KDM5B: variants seen among roughly 807,000 people sequenced by gnomAD.
KDM5B encodes the protein lysine-specific demethylase 5B.
A neutral mutation model predicts 193.4 loss-of-function variants in KDM5B; 144 were observed. The ratio of observed to expected loss-of-function variants is 0.74; its 90% CI spans 0.65 to 0.86. KDM5B has a LOEUF of 0.86. Ranked by LOEUF, KDM5B falls within the 40% of genes least tolerant of loss-of-function variation. The probability of loss-of-function intolerance (pLI) is 0.00; values close to 1 mark genes in which losing one functional copy is unlikely to be tolerated. For synonymous variants in KDM5B, 668 were observed against 682.6 expected (o/e 0.98, Z 0.33); for missense variants, 1,833 against 1,886.9 (o/e 0.97, Z 0.53).
chr1:202,765,225 CTAT>C (rs1038964224), intron 5 of KDM5B, among the ~76,000 whole-genome samples: 2 of 101,198 alleles, frequency 2.0e-5, no homozygotes, highest in African/African-American at 5.4e-5. Context: ...TTTTAATAAA[CTAT>C]TATTATAAAC....
chr1:202,782,223 A>AT (rs1308149968), intron 1 of KDM5B, among the ~76,000 whole-genome samples: 1 of 152,332 alleles, frequency 6.6e-6, no homozygotes, highest in East Asian at 1.9e-4. Flanking sequence ...GAAGAGATAA[A>AT]TGTCATTCAG....
At chr1:202,758,246 T>A (rs544065375) in intron 9 of KDM5B, 145 bp downstream of exon 9, 3 of 544,988 alleles carry the variant, frequency 5.5e-6, no homozygotes, top group Admixed American at 4.0e-5. Context: ...AAATTTTAAA[T>A]ACCACAAAAC....
At chr1:202,786,999 G>A (rs907053624) in intron 1 of KDM5B, among the ~76,000 whole-genome samples, 3 of 152,104 alleles carry the variant, frequency 2.0e-5, no homozygotes, top group African/African-American at 7.2e-5. Context: ...TCATGTCTTT[G>A]CAGAATCAAG....
At chr1:202,780,113 C>T (rs1485346369) in intron 1 of KDM5B, among the ~76,000 whole-genome samples, 1 of 152,110 alleles carries the variant, frequency 6.6e-6, no homozygotes, top group Non-Finnish European at 1.5e-5. Flanking sequence ...TATACAAACT[C>T]TCATTGTTTT....
intron 1 of KDM5B, among the ~76,000 whole-genome samples, chr1:202,783,073 C>T (rs1374826876): frequency 1.3e-5 from 2 of 152,140 alleles, no homozygotes; most frequent in African/African-American, 2.4e-5. Context: ...TGGCGAAATC[C>T]CATCTCTAAT....
chr1:202,756,262 A>G (rs1656006730), intron 10 of KDM5B, 96 bp downstream of exon 10: 4 of 977,868 alleles, frequency 4.1e-6, no homozygotes, highest in Non-Finnish European at 6.1e-6. Context: ...AAAATCTGGT[A>G]ATTAAGGATT....
intron 1 of KDM5B, among the ~76,000 whole-genome samples, chr1:202,795,532 A>T (rs1009297637): frequency 2.0e-5 from 3 of 151,920 alleles, no homozygotes; most frequent in Non-Finnish European, 2.9e-5. Flanking sequence ...CGTCGCTGTA[A>T]TCCCACCTAC....
At chr1:202,742,207 T>C (rs545196837) in intron 18 of KDM5B, among the ~76,000 whole-genome samples, 184 bp downstream of exon 18, 1 of 152,268 alleles carries the variant, frequency 6.6e-6, no homozygotes, top group South Asian at 2.1e-4. Context: ...TCCAACTTTA[T>C]TTCCCCTCTG....
At position 202,741,627 on chromosome 1, in the gene KDM5B, AT is replaced by A; in HGVS notation, c.2684del (p.Asp895ValfsTer26). The A allele has an allele frequency of 6.2e-7, 1 of 1,614,214 alleles. No individual in the cohort carries two copies. Reference protein sequence around the residue: ...PSAAELQDLLDVSFEFDVELP... With the variant: ...PSAAELQDLLXVSFEFDVELP... ...GTTCAACATCAAATTCAAAGCTGACATCTAGCAAGTCCTGCAGCTCCGCAGC... is the reference window on the plus strand; with the variant it reads ...GTTCAACATCAAATTCAAAGCTGACACTAGCAAGTCCTGCAGCTCCGCAGC... On this transcript the variant is annotated frameshift_variant, in exon 19 of 27. Transcript: ENST00000367265. LOFTEE classifies it high-confidence loss of function.
chr1:202,750,120 T>G (rs1655731823), intron 13 of KDM5B, among the ~76,000 whole-genome samples: 3 of 152,188 alleles, frequency 2.0e-5, no homozygotes, highest in Non-Finnish European at 4.4e-5. Context: ...AACAAAGTCT[T>G]GCTACAAAAG....
intron 23 of KDM5B, 27 bp downstream of exon 23, chr1:202,733,373 TA>T: frequency 6.2e-7 from 1 of 1,600,912 alleles, no homozygotes; most frequent in African/African-American, 1.3e-5. Flanking sequence ...CAAATTCCAA[TA>T]ACCCAACAAG....
intron 6 of KDM5B, among the ~76,000 whole-genome samples, chr1:202,763,087 C>T (rs1256119807): frequency 6.6e-6 from 1 of 152,174 alleles, no homozygotes; most frequent in African/African-American, 2.4e-5. Flanking sequence ...TTTCTCAAGA[C>T]CAAGACATAA....
At chr1:202,737,162 C>G (rs1195580485) in intron 20 of KDM5B, among the ~76,000 whole-genome samples, 1 of 152,184 alleles carries the variant, frequency 6.6e-6, no homozygotes, top group Non-Finnish European at 1.5e-5. Flanking sequence ...CCCCAATCCA[C>G]TCACCAATGA....
chr1:202,753,730 C>T lies in KDM5B; in HGVS notation c.1539-663G>A, dbSNP rs548133047. Among the ~76,000 whole-genome samples the T allele has an allele frequency of 8.5e-5, 12 of 141,328 alleles. 1 individual carries two copies. The highest frequency in any genetic ancestry group is 4.7e-4 in the South Asian group (2 of 4,252). 92.7% of individuals were successfully genotyped at this position (141,328 alleles called of 152,430 possible). ...TGTTGTCCATGCTGAAGTGCAATGACGCAATCTTGGCTCACTGCAACCTCC... is the reference window on the plus strand; with the variant it reads ...TGTTGTCCATGCTGAAGTGCAATGATGCAATCTTGGCTCACTGCAACCTCC... On this transcript the variant is annotated intron_variant, in intron 11 of 26. Coordinates refer to ENST00000367265, the MANE Select transcript of KDM5B (RefSeq NM_006618.5).
In KDM5B at chr1:202,729,148, C is replaced by T. The variant is rs759557715; in HGVS notation, c.4523G>A (p.Ser1508Asn). The change falls in exon 27 of 27, where the codon AGC becomes AAC. Residue 1508 changes from serine (S) to asparagine (N), a missense_variant. Around this residue, in one of 3 missense-constraint regions of KDM5B, gnomAD observed 1,379 missense variants for 1,349.6 expected, o/e 1.02. Transcript: ENST00000367265. ...DEVDWVQCDG[S>N]CNQWFHQVCV... ...GACCTGATGAAACCACTGATTGCAG[C>T]TGCCATCACACTGGACCCAGTCCAC... is the stretch of plus-strand genomic sequence containing the variant. 218 of 1,614,158 alleles carry T rather than the reference C, an allele frequency of 1.4e-4. 6 individuals carry two copies. In the South Asian group the frequency reaches 2.3e-3, roughly 17 times the overall value.
intron 1 of KDM5B, among the ~76,000 whole-genome samples, chr1:202,786,654 C>A (rs1657426367): frequency 6.6e-6 from 1 of 152,196 alleles, no homozygotes; most frequent in Non-Finnish European, 1.5e-5. Flanking sequence ...TACAAAACTT[C>A]TTGACTGCAT....
In KDM5B at chr1:202,731,905, A is replaced by C. The variant is rs767769055; in HGVS notation, c.3944T>G (p.Leu1315Trp). The C allele has an allele frequency of 1.2e-6, 2 of 1,613,380 alleles. No homozygotes were observed. The highest frequency in any genetic ancestry group is 2.2e-5 in the South Asian group (2 of 90,942). The stretch of plus-strand genomic sequence containing the variant: ...GGTTCTGTTGTCCCAGTCATCAGGC[A>C]AAGAAAATGATGTTGTGCCAGGAGG... ...SQPPGTTSFS[L>W]PDDWDNRTSY... The change falls in exon 24 of 27, where the codon TTG becomes TGG. Residue 1315 changes from leucine (L) to tryptophan (W), a missense_variant. Transcript: ENST00000367265.
At chr1:202,778,129 C>T (rs533562773) in intron 1 of KDM5B, among the ~76,000 whole-genome samples, 9 of 151,826 alleles carry the variant, frequency 5.9e-5, no homozygotes, top group Admixed American at 3.3e-4. Flanking sequence ...GAGCCAAGAT[C>T]GCGCCATTGC....
intron 1 of KDM5B, among the ~76,000 whole-genome samples, chr1:202,777,365 A>C (rs545645724): frequency 2.0e-4 from 31 of 152,190 alleles, no homozygotes; most frequent in Admixed American, 1.2e-3. Context: ...AAAAAAAAAA[A>C]AAAAAACACT....
Sources: allele counts gnomAD v4.1 joint callset (sites outside exome capture counted in the v4.1 genomes callset), GRCh38; gene constraint gnomAD v4.1.1; regional missense constraint gnomAD v4.1.1; transcripts MANE v1.5; gene names NCBI Gene and HGNC (gene_info 2026-07-23, HGNC 2026-07-21).